Variants in PRPF18 observed in about 807,000 individuals in gnomAD.
The protein encoded by PRPF18 is pre-mRNA processing factor 18, also known as pre-mRNA-splicing factor 18.
In PRPF18, 38 loss-of-function variants were observed where a neutral mutation model predicts 46.5. The ratio of observed to expected loss-of-function variants is 0.82; its 90% confidence interval spans 0.63 to 1.07. The LOEUF (loss-of-function observed/expected upper bound fraction) is 1.07. Among genes scored for constraint, PRPF18 ranks in the 50% least tolerant of loss-of-function variants. The pLI, the probability that PRPF18 is intolerant of heterozygous loss-of-function variation, is 0.00. For synonymous variants in PRPF18, 152 were observed against 146.7 expected (o/e 1.04, Z -0.26); for missense variants, 263 against 410.0 (o/e 0.64, Z 3.10).
intron 9 of PRPF18, among the ~76,000 whole-genome samples, chr10:13,622,436 C>G (rs1020931334): frequency 6.6e-6 from 1 of 152,094 alleles, no homozygotes; most frequent in African/African-American, 2.4e-5. Context: ...CTCAACCACA[C>G]GGTTGGAAAA....
At chr10:13,637,019 C>T in the PRPF18 span, 1 of 151,978 alleles carries the variant, frequency 6.6e-6, no homozygotes, top group Non-Finnish European at 1.5e-5. Flanking sequence ...GATACTTACT[C>T]ATCCCCAATG....
chr10:13,605,579 CA>C (rs34754785), intron 3 of PRPF18, 51 bp from the exon 4 acceptor site: 51,032 of 1,075,844 alleles, frequency 0.047, 13 homozygotes, highest in East Asian at 0.1. Flanking sequence ...GAGACTGTCT[CA>C]AAAAAAAAAA....
chr10:13,626,222 C>T (rs1024806898), intron 9 of PRPF18, among the ~76,000 whole-genome samples: 1 of 152,264 alleles, frequency 6.6e-6, no homozygotes, highest in South Asian at 2.1e-4. Flanking sequence ...GGATGTCATG[C>T]TCCAGGATGG....
chr10:13,610,873 G>A (rs561187577), intron 5 of PRPF18, among the ~76,000 whole-genome samples: 4 of 152,256 alleles, frequency 2.6e-5, no homozygotes, highest in East Asian at 1.9e-4. Flanking sequence ...CCCTGCCAAC[G>A]CTTGGCAATA....
At chr10:13,647,260 A>C in the PRPF18 span, 1 of 152,294 alleles carries the variant, frequency 6.6e-6, no homozygotes, top group Non-Finnish European at 1.5e-5. Context: ...AGCATTTGTG[A>C]AGGAGGAAAA....
At chr10:13,633,162 A>G (rs1356435311), downstream of PRPF18, among the ~76,000 whole-genome samples, 2 of 152,208 alleles carry the variant, frequency 1.3e-5, no homozygotes, top group East Asian at 1.9e-4. Flanking sequence ...ACATGTGGAA[A>G]GAGACAAAGG....
intron 1 of PRPF18, among the ~76,000 whole-genome samples, chr10:13,594,039 T>C (rs1286359288): frequency 1.3e-5 from 2 of 152,240 alleles, no homozygotes; most frequent in Non-Finnish European, 2.9e-5. Flanking sequence ...TTAAACTTAC[T>C]GGTCTCAGGT....
the PRPF18 span, chr10:13,640,091 C>T: frequency 6.6e-6 from 1 of 152,140 alleles, no homozygotes; most frequent in Non-Finnish European, 1.5e-5. Context: ...CTGTGGAGTC[C>T]CCACATTTCT....
At chr10:13,622,063 T>C (rs2080428101) in intron 9 of PRPF18, among the ~76,000 whole-genome samples, 1 of 152,234 alleles carries the variant, frequency 6.6e-6, no homozygotes, top group South Asian at 2.1e-4. Flanking sequence ...ATCATAGCTG[T>C]TGGTAAATGC....
chr10:13,623,905 A>G (rs2133971623), intron 9 of PRPF18, among the ~76,000 whole-genome samples: 1 of 152,348 alleles, frequency 6.6e-6, no homozygotes, highest in East Asian at 1.9e-4. Flanking sequence ...TATTACTTCC[A>G]TTTAGACTTA....
rs1391181002 is a variant in PRPF18 at position 13,590,635 on chromosome 10, AAAAT to A, written c.66+3485_66+3488del. On this transcript the variant is annotated intron_variant, in intron 1 of 9. Coordinates refer to ENST00000378572, the MANE Select transcript of PRPF18 (RefSeq NM_003675.4). ...GACTCCATCTCAAAAAAAAAAAAAA[AAAAT>A]ACTGACATTCATAGTTTATATTAGC... 1.6e-3 allele frequency among the ~76,000 whole-genome samples: 233 copies of A among 149,570 alleles called. 1 individual carries two copies. The highest frequency in any genetic ancestry group is 0.014 in the Middle Eastern group (4 of 290).
chr10:13,612,400 G>A (rs926148442), intron 6 of PRPF18, among the ~76,000 whole-genome samples: 1 of 151,976 alleles, frequency 6.6e-6, no homozygotes, highest in African/African-American at 2.4e-5. Flanking sequence ...AGCCTCTCAA[G>A]TAGCATGCCA....
chr10:13,596,083 G>A (rs1337353201), intron 1 of PRPF18, among the ~76,000 whole-genome samples: 5 of 152,120 alleles, frequency 3.3e-5, no homozygotes, highest in South Asian at 2.1e-4. Flanking sequence ...AGGTCAACAC[G>A]AAGTTCAATC....
intron 9 of PRPF18, among the ~76,000 whole-genome samples, chr10:13,624,535 G>A (rs1198626591): frequency 2.0e-5 from 3 of 152,146 alleles, no homozygotes; most frequent in Admixed American, 1.3e-4. Flanking sequence ...GGGGCTCCCC[G>A]CCCTCCTCCC....
At chr10:13,654,791 TCCC>T in the PRPF18 span, 9 of 478,318 alleles carry the variant, frequency 1.9e-5, no homozygotes, top group African/African-American at 1.8e-4. Context: ...GGATCCTAGG[TCCC>T]CGCTTTGCCA....
At chr10:13,602,510 GT>G (rs1270811763) in intron 3 of PRPF18, among the ~76,000 whole-genome samples, 5,910 of 141,762 alleles carry the variant, frequency 0.042, 148 homozygotes, top group Non-Finnish European at 0.061. Flanking sequence ...TTTTCATTAT[GT>G]TTTTTTTTTT....
intron 1 of PRPF18, among the ~76,000 whole-genome samples, chr10:13,587,987 C>G (rs2079901484): frequency 6.6e-6 from 1 of 152,186 alleles, no homozygotes; most frequent in Non-Finnish European, 1.5e-5. Context: ...TTTCCCCCGA[C>G]TGACCCTGTT....
chr10:13,654,267 A>G, the PRPF18 span: 66 of 668,848 alleles, frequency 9.9e-5, no homozygotes, highest in South Asian at 1.1e-3. Flanking sequence ...AGGTGACAGC[A>G]GATCATGGGG....
chr10:13,614,237 T>A (rs1309575553), intron 8 of PRPF18, 151 bp downstream of exon 8: 1 of 623,786 alleles, frequency 1.6e-6, no homozygotes, highest in Non-Finnish European at 2.6e-6. Context: ...TATTTTCTAT[T>A]GTATTTGCCA....
Sources: allele counts gnomAD v4.1 joint callset (sites outside exome capture counted in the v4.1 genomes callset), GRCh38; gene constraint gnomAD v4.1.1; transcripts MANE v1.5; gene names NCBI Gene and HGNC (gene_info 2026-07-23, HGNC 2026-07-21).